Variants in KLHL3 observed in about 807,000 individuals in gnomAD.
KLHL3 encodes kelch like family member 3.
A neutral mutation model predicts 70.5 loss-of-function variants in KLHL3; 19 were observed. The ratio of observed to expected loss-of-function variants is 0.27; its 90% confidence interval spans 0.19 to 0.40. The LOEUF (loss-of-function observed/expected upper bound fraction) is 0.40, where lower values mean the gene tolerates loss of function less well. Among genes scored for constraint, KLHL3 ranks in the 10% least tolerant of loss-of-function variants. The pLI is 1.00. For missense variants in KLHL3, 512 were observed against 771.1 expected, an observed-to-expected ratio of 0.66 and a Z score of 3.98; for synonymous variants, 258 against 290.3, an observed-to-expected ratio of 0.89 and a Z score of 1.13.
At chr5:137,627,919 G>C (rs1474850424) in intron 13 of KLHL3, 4 of 191,494 alleles carry the variant, frequency 2.1e-5, no homozygotes, top group Non-Finnish European at 4.3e-5. Flanking sequence ...AGAAAAGATA[G>C]AACCAAGTGC....
chr5:137,732,652 G>A (rs1428029280), intron 1 of KLHL3, among the ~76,000 whole-genome samples: 1 of 151,970 alleles, frequency 6.6e-6, no homozygotes. Context: ...AAAAAGAGAG[G>A]TCCTAAAATA....
In KLHL3 at chr5:137,677,660, CCA is replaced by C; in HGVS notation, c.527-8_527-7del. ...CACCTCTGGAAAGTGCTGCTCTGTTCCAAAAAAAAAAAAAAGAAGTTAAGAAA... is the reference window on the plus strand; with the variant it reads ...CACCTCTGGAAAGTGCTGCTCTGTTCAAAAAAAAAAAAAGAAGTTAAGAAA... On this transcript the variant is annotated splice_polypyrimidine_tract_variant and splice_region_variant and intron_variant, in intron 5 of 14. Transcript: ENST00000309755. 6.8e-7 allele frequency: 1 copy of C among 1,473,132 alleles called. No homozygotes were observed. Among genetic ancestry groups the C allele is most frequent in the Non-Finnish European group, 9.1e-7 (1 of 1,095,492 alleles). 91.3% of individuals were successfully genotyped at this position (1,473,132 alleles called of 1,614,324 possible). A position where few individuals can be genotyped will look rare whatever the true frequency, so the allele number is the denominator to read the frequency against.
At chr5:137,643,005 C>G (rs1018015778) in intron 8 of KLHL3, among the ~76,000 whole-genome samples, 1 of 152,056 alleles carries the variant, frequency 6.6e-6, no homozygotes, top group Non-Finnish European at 1.5e-5. Flanking sequence ...AACAGTATTA[C>G]AGAAATGCAA....
intron 12 of KLHL3, among the ~76,000 whole-genome samples, chr5:137,630,287 T>C (rs1031626426): frequency 5.9e-5 from 9 of 152,242 alleles, no homozygotes; most frequent in Middle Eastern, 3.4e-3. Context: ...TCCCAGGCAA[T>C]AGAGGTGTCA....
intron 7 of KLHL3, chr5:137,661,487 T>G (rs1370624172): frequency 6.5e-6 from 1 of 154,682 alleles, no homozygotes; most frequent in African/African-American, 2.4e-5. Flanking sequence ...ATAGAAACAT[T>G]GTGGACATGA....
At chr5:137,686,286 A>G (rs1022168884) in intron 5 of KLHL3, among the ~76,000 whole-genome samples, 5 of 152,182 alleles carry the variant, frequency 3.3e-5, no homozygotes, top group Non-Finnish European at 4.4e-5. Flanking sequence ...CCAACTGTGA[A>G]GCTCCCTCAC....
intron 14 of KLHL3, among the ~76,000 whole-genome samples, chr5:137,623,918 A>G (rs1275861656): frequency 6.6e-6 from 1 of 152,214 alleles, no homozygotes; most frequent in African/African-American, 2.4e-5. Context: ...CATCTGTAGA[A>G]GAAGCAGCAG....
At chr5:137,666,271 C>A (rs970026578) in intron 6 of KLHL3, among the ~76,000 whole-genome samples, 1 of 152,178 alleles carries the variant, frequency 6.6e-6, no homozygotes, top group Non-Finnish European at 1.5e-5. Context: ...GTGGGTAAGG[C>A]AGAGTCAAAG....
intron 2 of KLHL3, among the ~76,000 whole-genome samples, chr5:137,716,813 A>G (rs961228243): frequency 6.6e-6 from 1 of 152,098 alleles, no homozygotes. Flanking sequence ...AAATTTGTTG[A>G]TATCAGTGGT....
intron 8 of KLHL3, 26 bp from the exon 9 acceptor site, chr5:137,640,003 C>T (rs11743510): frequency 0.021 from 33,943 of 1,588,684 alleles, 433 homozygotes; most frequent in Admixed American, 0.025. Flanking sequence ...TGGACGTTAG[C>T]GGGGTCACCC....
At chr5:137,706,266 G>A (rs1191502678) in intron 3 of KLHL3, 1 of 985,324 alleles carries the variant, frequency 1.0e-6, no homozygotes, top group Admixed American at 6.1e-5. Context: ...CACACTGATA[G>A]AAATGGATCT....
chr5:137,669,133 ACCCAAC>A (rs1264183924), intron 6 of KLHL3, among the ~76,000 whole-genome samples: 1 of 152,172 alleles, frequency 6.6e-6, no homozygotes, highest in Non-Finnish European at 1.5e-5. Flanking sequence ...GCCTGACATT[ACCCAAC>A]AAATTAGTGA....
chr5:137,642,060 C>T (rs1750925642), intron 8 of KLHL3, among the ~76,000 whole-genome samples: 1 of 152,200 alleles, frequency 6.6e-6, no homozygotes, highest in Admixed American at 6.5e-5. Context: ...AGCCCCTTGG[C>T]AAACACCAGA....
chr5:137,625,717 G>A, intron 14 of KLHL3, 36 bp downstream of exon 14: 1 of 1,612,206 alleles, frequency 6.2e-7, no homozygotes, highest in East Asian at 2.2e-5. Context: ...TGTGTTGGAG[G>A]CCTCTCGGAT....
intron 12 of KLHL3, among the ~76,000 whole-genome samples, chr5:137,631,897 C>T (rs994470778): frequency 2.6e-5 from 4 of 151,862 alleles, no homozygotes; most frequent in African/African-American, 9.7e-5. Context: ...TGTCTAGCTG[C>T]AAAGGTGCTA....
intron 5 of KLHL3, among the ~76,000 whole-genome samples, chr5:137,678,249 C>T (rs1326403166): frequency 2.0e-5 from 3 of 152,086 alleles, no homozygotes; most frequent in Non-Finnish European, 4.4e-5. Flanking sequence ...CCCTACTACC[C>T]CTAGGAACAG....
chr5:137,662,779 T>C (rs1369548236), intron 6 of KLHL3, among the ~76,000 whole-genome samples: 2 of 152,198 alleles, frequency 1.3e-5, no homozygotes, highest in African/African-American at 4.8e-5. Flanking sequence ...AAAAATTTCA[T>C]TAATAATGAT....
intron 5 of KLHL3, 95 bp downstream of exon 5, chr5:137,692,190 G>T: frequency 9.1e-7 from 1 of 1,102,644 alleles, no homozygotes; most frequent in Non-Finnish European, 1.3e-6. Flanking sequence ...CTTCACAGCA[G>T]AGACCACTTC....
intron 2 of KLHL3, among the ~76,000 whole-genome samples, chr5:137,718,401 G>A (rs950535431): frequency 4.6e-5 from 7 of 152,302 alleles, no homozygotes; most frequent in South Asian, 2.1e-4. Context: ...GGGAGGCCAC[G>A]GTGGGAGGAC....
Sources: allele counts gnomAD v4.1 joint callset (sites outside exome capture counted in the v4.1 genomes callset), GRCh38; gene constraint gnomAD v4.1.1; transcripts MANE v1.5; gene names NCBI Gene and HGNC (gene_info 2026-07-23, HGNC 2026-07-21).